The following TTC28 variants were observed in gnomAD, a reference collection of about 807,000 sequenced individuals.
The protein encoded by TTC28 is tetratricopeptide repeat protein 28.
Under a neutral mutation model 198.0 loss-of-function variants are expected in TTC28, and 61 were observed. The observed-to-expected ratio is 0.31, with a 90% CI of 0.25 to 0.38. The LOEUF (loss-of-function observed/expected upper bound fraction) is 0.38, where lower values mean the gene tolerates loss of function less well. Ranked by LOEUF, TTC28 falls within the 10% of genes least tolerant of loss-of-function variation. The pLI is 1.00. For missense variants in TTC28, 2,678 were observed against 3,164.0 expected, an observed-to-expected ratio of 0.85 and a Z score of 3.69; for synonymous variants, 1,171 against 1,297.8, an observed-to-expected ratio of 0.90 and a Z score of 2.10.
chr22:28,025,945 C>T (rs1453430205), intron 13 of TTC28, among the ~76,000 whole-genome samples: 1 of 152,200 alleles, frequency 6.6e-6, no homozygotes, highest in African/African-American at 2.4e-5. Flanking sequence ...CAGGTCTCAG[C>T]TTACCGGCCA....
chr22:28,045,587 C>T (rs2146687602), intron 12 of TTC28, among the ~76,000 whole-genome samples: 1 of 152,300 alleles, frequency 6.6e-6, no homozygotes, highest in South Asian at 2.1e-4. Flanking sequence ...ACTCAATGGA[C>T]ATTTTTCTTT....
chr22:28,450,743 C>T (rs531999119), intron 2 of TTC28, among the ~76,000 whole-genome samples: 11 of 152,152 alleles, frequency 7.2e-5, no homozygotes, highest in South Asian at 4.2e-4. Context: ...TTTCTGTCTA[C>T]GACACAACAA....
At chr22:28,269,783 A>C (rs558699645) in intron 5 of TTC28, among the ~76,000 whole-genome samples, 1 of 152,288 alleles carries the variant, frequency 6.6e-6, no homozygotes, top group East Asian at 1.9e-4. Flanking sequence ...GATAACTGGG[A>C]TAACCAAGTC....
At chr22:28,039,937 C>G (rs1206448668) in intron 12 of TTC28, among the ~76,000 whole-genome samples, 1 of 152,082 alleles carries the variant, frequency 6.6e-6, no homozygotes. Context: ...TACAAACTAC[C>G]ATCAGAGAAT....
At position 28,382,826 on chromosome 22, in the gene TTC28, A is replaced by C. The variant is rs73882738; in HGVS notation, c.382-76183T>G. Among the ~76,000 whole-genome samples the C allele has an allele frequency of 8.7e-3, 1,320 of 152,322 alleles. 16 individuals are homozygous for C. The highest frequency in any genetic ancestry group is 0.03 in the African/African-American group (1,247 of 41,576). ...ATTCAACAGAAAGACATATCATCAT[A>C]AATATGTATGTATGCACCTAATAAC... On this transcript the variant is annotated intron_variant, in intron 2 of 22. Coordinates refer to ENST00000397906, the MANE Select transcript of TTC28 (RefSeq NM_001145418.2).
intron 2 of TTC28, among the ~76,000 whole-genome samples, chr22:28,596,176 A>C (rs919356609): frequency 2.6e-5 from 4 of 152,254 alleles, no homozygotes; most frequent in Admixed American, 2.6e-4. Flanking sequence ...GTAAGAAAAC[A>C]ACCAGTCATA....
chr22:28,423,313 C>G (rs1311804001), intron 2 of TTC28, among the ~76,000 whole-genome samples: 1 of 152,106 alleles, frequency 6.6e-6, no homozygotes, highest in Non-Finnish European at 1.5e-5. Flanking sequence ...TTGCTTGAAC[C>G]CAGGAGGCAG....
intron 2 of TTC28, among the ~76,000 whole-genome samples, chr22:28,528,301 AG>A (rs1271334701): frequency 6.6e-6 from 1 of 152,218 alleles, no homozygotes; most frequent in Non-Finnish European, 1.5e-5. Context: ...ACAAAGGATA[AG>A]GGGTGGTAAA....
At chr22:28,041,224 A>G (rs1194280143) in intron 12 of TTC28, among the ~76,000 whole-genome samples, 1 of 152,226 alleles carries the variant, frequency 6.6e-6, no homozygotes, top group East Asian at 1.9e-4. Context: ...CAGAATTGGA[A>G]AAAACTACTT....
At chr22:28,472,552 ATGTGTGTGTGTGTG>A (rs3053555) in intron 2 of TTC28, among the ~76,000 whole-genome samples, 16 of 114,724 alleles carry the variant, frequency 1.4e-4, no homozygotes, top group African/African-American at 3.3e-4. Flanking sequence ...GAAAATGTGT[ATGTGTGTGTGTGTG>A]TGTGTGTGTG....
At chr22:28,625,734 C>T (rs1356898306) in intron 2 of TTC28, among the ~76,000 whole-genome samples, 1 of 152,006 alleles carries the variant, frequency 6.6e-6, no homozygotes, top group Admixed American at 6.6e-5. Flanking sequence ...ATAGCCAAAA[C>T]AACTTAGAAA....
chr22:28,468,690 A>ATTTTTTT (rs35984422), intron 2 of TTC28, among the ~76,000 whole-genome samples: 13 of 122,292 alleles, frequency 1.1e-4, no homozygotes, highest in Non-Finnish European at 1.5e-4. Flanking sequence ...CGCCCGGCTA[A>ATTTTTTT]TTTTTTTTTT....
chr22:28,077,474 G>C (rs1383001916), intron 12 of TTC28, among the ~76,000 whole-genome samples: 1 of 152,122 alleles, frequency 6.6e-6, no homozygotes, highest in Non-Finnish European at 1.5e-5. Context: ...ACTTCCGATG[G>C]TCATGACAAG....
chr22:28,045,668 T>C (rs922534552), intron 12 of TTC28, among the ~76,000 whole-genome samples: 2 of 152,144 alleles, frequency 1.3e-5, no homozygotes, highest in African/African-American at 2.4e-5. Context: ...ATATATCCAA[T>C]AAAGAGTCAT....
intron 2 of TTC28, among the ~76,000 whole-genome samples, chr22:28,335,454 C>T (rs1207908078): frequency 1.3e-5 from 2 of 152,176 alleles, no homozygotes; most frequent in African/African-American, 4.8e-5. Flanking sequence ...GCTGTATTGC[C>T]ATTTCCACAA....
intron 1 of TTC28, among the ~76,000 whole-genome samples, chr22:28,643,508 TTCCTTAAAATTA>T (rs1461950296): frequency 6.6e-6 from 1 of 152,216 alleles, no homozygotes; most frequent in East Asian, 1.9e-4. Flanking sequence ...TCTCAAACGT[TTCCTTAAAATTA>T]TCTTAGTAGG....
intron 1 of TTC28, among the ~76,000 whole-genome samples, chr22:28,636,818 T>C (rs2051280617): frequency 6.6e-6 from 1 of 152,094 alleles, no homozygotes; most frequent in African/African-American, 2.4e-5. Flanking sequence ...TCCCACCCCA[T>C]AGGTTACTTT....
At chr22:28,018,284 TGTGCGCGC>T (rs1157046023) in intron 13 of TTC28, among the ~76,000 whole-genome samples, 5 of 102,718 alleles carry the variant, frequency 4.9e-5, no homozygotes, top group East Asian at 3.4e-4. Context: ...TGTGTATGTG[TGTGCGCGC>T]GTGTGTGCGC....
At position 28,215,235 on chromosome 22, in the gene TTC28, A is replaced by C. The variant is rs189037494; in HGVS notation, c.934-51636T>G. On this transcript the variant is annotated intron_variant, in intron 5 of 22. Coordinates refer to ENST00000397906, the MANE Select transcript of TTC28 (RefSeq NM_001145418.2). Reference sequence around the variant, plus strand: ...AACATGGCACATGTGTACATATGTAACAAACCTGCACGTTGTGCACATGTA... The same window carrying C: ...AACATGGCACATGTGTACATATGTACCAAACCTGCACGTTGTGCACATGTA... 2.0e-4 allele frequency among the ~76,000 whole-genome samples: 30 copies of C among 152,312 alleles called. No homozygotes were observed. The East Asian group carries it at 5.6e-3, about 28-fold the overall frequency.
Sources: allele counts gnomAD v4.1 joint callset (sites outside exome capture counted in the v4.1 genomes callset), GRCh38; gene constraint gnomAD v4.1.1; transcripts MANE v1.5; gene names NCBI Gene and HGNC (gene_info 2026-07-23, HGNC 2026-07-21).